Variants in VCL observed in about 807,000 individuals in gnomAD.
VCL encodes the protein epididymis luminal protein 114.
A neutral mutation model predicts 125.7 loss-of-function variants in VCL; 47 were observed. The ratio of observed to expected loss-of-function variants is 0.37; its 90% CI spans 0.30 to 0.48. The LOEUF (loss-of-function observed/expected upper bound fraction) is 0.48. Among genes scored for constraint, VCL ranks in the 20% least tolerant of loss-of-function variants. The probability of loss-of-function intolerance (pLI) is 0.99; values close to 1 mark genes in which losing one functional copy is unlikely to be tolerated. For synonymous variants in VCL, 458 were observed against 514.6 expected (o/e 0.89, Z 1.49); for missense variants, 1,069 against 1,455.5 (o/e 0.73, Z 4.32).
At chr10:74,031,881 G>A (rs10824058) in intron 1 of VCL, among the ~76,000 whole-genome samples, 51,228 of 151,570 alleles carry the variant, frequency 0.34, 10,507 homozygotes, top group Non-Finnish European at 0.47. Context: ...CCTGACCAAC[G>A]TGGAGAAACC....
intron 1 of VCL, among the ~76,000 whole-genome samples, chr10:74,034,022 A>T (rs1840929757): frequency 1.3e-5 from 2 of 152,172 alleles, no homozygotes; most frequent in South Asian, 4.1e-4. Flanking sequence ...ATCTGGGGCC[A>T]TGTGTGTTTT....
At chr10:74,052,577 A>G (rs985789658) in intron 2 of VCL, among the ~76,000 whole-genome samples, 4 of 151,816 alleles carry the variant, frequency 2.6e-5, no homozygotes, top group African/African-American at 9.7e-5. Context: ...GGGTTTCACC[A>G]TTTTGCCCAG....
At chr10:74,114,509 A>G in intron 20 of VCL, 122 bp downstream of exon 20, 1 of 1,215,872 alleles carries the variant, frequency 8.2e-7, no homozygotes, top group Non-Finnish European at 1.2e-6. Context: ...GTAAGGGAGA[A>G]AGAGGCACTT....
chr10:74,019,638 G>A (rs1309180935), intron 1 of VCL, among the ~76,000 whole-genome samples: 1 of 152,188 alleles, frequency 6.6e-6, no homozygotes, highest in Non-Finnish European at 1.5e-5. Context: ...TGCAGCATGT[G>A]TAGAGTACAA....
chr10:74,057,518 C>T (rs1215552740), intron 2 of VCL, among the ~76,000 whole-genome samples: 1 of 152,138 alleles, frequency 6.6e-6, no homozygotes, highest in Admixed American at 6.6e-5. Context: ...GCTTGAGGGC[C>T]TGCCTGTACC....
chr10:74,051,892 ACAG>A (rs139111479), intron 2 of VCL, among the ~76,000 whole-genome samples: 7 of 151,554 alleles, frequency 4.6e-5, no homozygotes, highest in East Asian at 1.9e-4. Context: ...GCAGCAGTGT[ACAG>A]CAGCAGCAGC....
rs576904532 is a variant in VCL, at chr10:74,004,709, C to CT, written c.168+6347dup. 4.8e-3 allele frequency among the ~76,000 whole-genome samples: 693 copies of CT among 145,164 alleles called. 2 individuals are homozygous for CT. Among genetic ancestry groups the CT allele is most frequent in the African/African-American group, 0.013 (517 of 40,000 alleles). On this transcript the variant is annotated intron_variant, in intron 1 of 21. Transcript: ENST00000211998. ...AATTTCATAGCATTTCTTTTCTTTT[C>CT]TTTTTTTTTTTTTGAGACGGAGTCT...
At chr10:74,048,155 C>T (rs1841225173) in intron 2 of VCL, among the ~76,000 whole-genome samples, 1 of 152,160 alleles carries the variant, frequency 6.6e-6, no homozygotes, top group South Asian at 2.1e-4. Flanking sequence ...GTTAGACTAA[C>T]CTTATAACCC....
rs16931179 is a variant in VCL at position 74,111,964 on chromosome 10, C to T, written c.2801C>T (p.Ala934Val). 7,946 of 1,614,188 alleles carry T rather than the reference C, an allele frequency of 4.9e-3. 209 individuals are homozygous for T. The East Asian group carries it at 0.073, about 15-fold the overall frequency. ...GIGVVAEADA[A>V]DAAGFPVPPD... is the part of the protein sequence containing the mutation. ...GGTGTTGTAGCTGAGGCAGATGCGG[C>T]CGATGCTGCTGGCTTCCCTGTCCCC... Residue 934 changes from alanine (A) to valine (V), a missense_variant, in exon 19 of 22, where the codon GCC becomes GTC. Transcript: ENST00000211998.
At position 74,101,712 on chromosome 10, in the gene VCL, C is replaced by T. The variant is rs576626301; in HGVS notation, c.2022+615C>T. On this transcript the variant is annotated intron_variant, in intron 14 of 21. Transcript: ENST00000211998. The stretch of plus-strand genomic sequence containing the variant: ...CTGGGACTACAGGCGCCCGCCACCG[C>T]GCCCGGCTAATTTTTTTTGTATTTT... Among the ~76,000 whole-genome samples the T allele has an allele frequency of 1.9e-4, 28 of 150,678 alleles. 1 individual carries two copies. Among genetic ancestry groups the T allele is most frequent in the East Asian group, 1.8e-3 (9 of 5,058 alleles).
At chr10:74,109,392 A>G (rs960462821) in intron 18 of VCL, among the ~76,000 whole-genome samples, 1 of 152,170 alleles carries the variant, frequency 6.6e-6, no homozygotes, top group African/African-American at 2.4e-5. Context: ...TGATTTGAGA[A>G]GAGGATTCCT....
At chr10:74,099,781 C>T (rs1840022569) in intron 13 of VCL, among the ~76,000 whole-genome samples, 1 of 152,172 alleles carries the variant, frequency 6.6e-6, no homozygotes, top group Non-Finnish European at 1.5e-5. Context: ...GGTAAAAGAA[C>T]TGAGGCCACG....
At chr10:74,035,114 T>C (rs1840947735) in intron 1 of VCL, among the ~76,000 whole-genome samples, 1 of 152,370 alleles carries the variant, frequency 6.6e-6, no homozygotes, top group South Asian at 2.1e-4. Flanking sequence ...CGACTTACAT[T>C]GTACAAATAA....
At chr10:74,067,175 C>T (rs916062243) in intron 2 of VCL, among the ~76,000 whole-genome samples, 3 of 152,020 alleles carry the variant, frequency 2.0e-5, no homozygotes, top group African/African-American at 7.2e-5. Flanking sequence ...TAATAACTAG[C>T]TTATCTAAGA....
intron 16 of VCL, 151 bp from the exon 17 acceptor site, chr10:74,107,079 T>C: frequency 1.6e-6 from 2 of 1,287,246 alleles, no homozygotes; most frequent in Non-Finnish European, 2.2e-6. Context: ...ATCTGCCTTG[T>C]CCTGCCTCCC....
At chr10:74,010,761 G>C (rs1197371164) in intron 1 of VCL, among the ~76,000 whole-genome samples, 2 of 152,172 alleles carry the variant, frequency 1.3e-5, no homozygotes, top group African/African-American at 4.8e-5. Context: ...GACTTTCTCT[G>C]CCATCTGGGG....
intron 2 of VCL, among the ~76,000 whole-genome samples, chr10:74,061,501 C>T (rs1428174682): frequency 6.6e-6 from 1 of 152,076 alleles, no homozygotes. Context: ...TATACAGTAA[C>T]TGGATTTCAT....
rs376675636 is a variant in VCL at position 74,114,944 on chromosome 10, C to A, written c.3258+45C>A. On this transcript the variant is annotated intron_variant, in intron 21 of 21. Transcript: ENST00000211998. ...GGTTTCTGGCTGGCAGCTTCTGTGCCGTTTTGCAGTAATTTAACTCTGCTT... is the reference window on the plus strand; with the variant it reads ...GGTTTCTGGCTGGCAGCTTCTGTGCAGTTTTGCAGTAATTTAACTCTGCTT... 2.2e-5 allele frequency: 34 copies of A among 1,524,202 alleles called. No homozygotes were observed. The Middle Eastern group carries it at 1.0e-3, about 45-fold the overall frequency. The allele number at this position is 1,524,202 out of a possible 1,614,324, so 94.4% of individuals were successfully genotyped here.
intron 1 of VCL, among the ~76,000 whole-genome samples, chr10:74,036,929 G>C (rs1423659069): frequency 5.4e-5 from 7 of 129,920 alleles, no homozygotes; most frequent in Non-Finnish European, 1.1e-4. Flanking sequence ...TTTTTCTTTT[G>C]AGATGGAGTC....
Sources: gnomAD v4.1 joint callset for allele counts (sites outside exome capture counted in the v4.1 genomes callset) on GRCh38, gnomAD v4.1.1 for gene constraint, MANE v1.5 for transcripts, NCBI Gene and HGNC (gene_info 2026-07-23, HGNC 2026-07-21) for gene names.